The following GNPAT variants were observed in gnomAD, a reference collection of about 807,000 sequenced individuals.
GNPAT encodes the protein dihydroxyacetone phosphate acyltransferase.
A neutral mutation model predicts 78.4 loss-of-function variants in GNPAT; 30 were observed. That is an observed-to-expected ratio of 0.38 (90% CI 0.29 to 0.52). GNPAT has a LOEUF of 0.52. Among genes scored for constraint, GNPAT ranks in the 20% least tolerant of loss-of-function variants. The pLI, the probability that GNPAT is intolerant of heterozygous loss-of-function variation, is 0.84. For missense variants in GNPAT, 714 were observed against 812.2 expected, an observed-to-expected ratio of 0.88 and a Z score of 1.47; for synonymous variants, 271 against 281.1, an observed-to-expected ratio of 0.96 and a Z score of 0.36.
chr1:231,242,632 G>T (rs993563759), intron 1 of GNPAT, among the ~76,000 whole-genome samples: 1 of 152,238 alleles, frequency 6.6e-6, no homozygotes, highest in South Asian at 2.1e-4. Flanking sequence ...GAGCAGGCAC[G>T]AAGGGAAGAG....
intron 1 of GNPAT, among the ~76,000 whole-genome samples, chr1:231,243,290 G>A (rs143859768): frequency 5.4e-4 from 82 of 152,268 alleles, no homozygotes; most frequent in Middle Eastern, 3.4e-3. Context: ...AAGAAAAGGT[G>A]ATATCTAAGC....
chr1:231,272,266 G>A, intron 10 of GNPAT, 46 bp from the exon 11 acceptor site: 1 of 983,694 alleles, frequency 1.0e-6, no homozygotes, highest in Non-Finnish European at 1.6e-6. Context: ...CTCCCTTAAA[G>A]TTTAAAGGGC....
chr1:231,263,779 ATAAT>A (rs1685293959), intron 4 of GNPAT, among the ~76,000 whole-genome samples: 1 of 152,160 alleles, frequency 6.6e-6, no homozygotes, highest in South Asian at 2.1e-4. Context: ...ATGTTTTATA[ATAAT>A]TTTAATGAGT....
In GNPAT at chr1:231,272,314, G is replaced by T. The variant is rs1344564921; in HGVS notation, c.1525G>T (p.Asp509Tyr). ...LQMTPGFRKE[D>Y]VYSCFRFLRD... ...TTACATGATGCATTTATTTCCAGAG[G>T]ATGTCTACAGTTGCTTTCGCTTCCT... The change falls in exon 11 of 16, where the codon GAT becomes TAT. Residue 509 changes from aspartate (D) to tyrosine (Y), a missense_variant and splice_region_variant. Transcript: ENST00000366647. The T allele has an allele frequency of 6.5e-7, 1 of 1,540,766 alleles. No individual in the cohort carries two copies.
chr1:231,274,335 C>T (rs1469709054), intron 12 of GNPAT, among the ~76,000 whole-genome samples: 8 of 152,190 alleles, frequency 5.3e-5, no homozygotes, highest in Non-Finnish European at 8.8e-5. Flanking sequence ...GTTACACCCA[C>T]GCATCATCTG....
chr1:231,246,487 G>A (rs1209942501), intron 1 of GNPAT, among the ~76,000 whole-genome samples: 6 of 152,182 alleles, frequency 3.9e-5, no homozygotes, highest in Admixed American at 2.6e-4. Flanking sequence ...ATCCTCCAGA[G>A]CAGTTAAAAG....
At position 231,270,769 on chromosome 1, in the gene GNPAT, G is replaced by A; in HGVS notation, c.1291G>A (p.Ala431Thr). The change falls in exon 10 of 16, where the codon GCT becomes ACT. Residue 431 changes from alanine to threonine, a missense_variant. By Grantham distance (58) the Ala-to-Thr change is moderately conservative. Transcript: ENST00000366647. ...GTCTTTGTGTGTAGATAATAAACCT[G>A]CTGAAGAAGTTGTCCCGGCCAGCAT... Reference protein sequence around the residue: ...GFLIWPDNKPAEEVVPASILL... With the variant: ...GFLIWPDNKPTEEVVPASILL... 1.2e-6 allele frequency: 2 copies of A among 1,613,962 alleles called. No individual in the cohort carries two copies. The highest frequency in any genetic ancestry group is 2.2e-5 in the East Asian group (1 of 44,882).
Position 231,266,422 on chromosome 1 carries a change from T to A in GNPAT, c.1055+15T>A. The A allele has an allele frequency of 1.2e-6, 2 of 1,609,380 alleles. No homozygotes were observed. Among genetic ancestry groups the A allele is most frequent in the Non-Finnish European group, 1.7e-6 (2 of 1,175,692 alleles). On this transcript the variant is annotated intron_variant, in intron 8 of 15. Coordinates refer to ENST00000366647, the MANE Select transcript of GNPAT (RefSeq NM_014236.4). ...TTGGTTCCAAGGTGTGACCTGTGTT[T>A]TAATAACTGTCTTAGAAATGAGGAT...
intron 2 of GNPAT, among the ~76,000 whole-genome samples, chr1:231,257,640 C>T (rs1302159737): frequency 6.6e-6 from 1 of 152,182 alleles, no homozygotes; most frequent in Non-Finnish European, 1.5e-5. Flanking sequence ...CGCTTCTTAC[C>T]TCCCTGCTGC....
intron 1 of GNPAT, among the ~76,000 whole-genome samples, chr1:231,247,695 C>A (rs1281445480): frequency 6.6e-6 from 1 of 152,174 alleles, no homozygotes; most frequent in African/African-American, 2.4e-5. Context: ...TCAGCACATA[C>A]CACAGTGTCA....
Position 231,265,997 on chromosome 1 carries a change from C to A in GNPAT, c.773-17C>A. Reference sequence around the variant, plus strand: ...TCTTCAATATGTTGATGAAGCATTTCTCCCTGTGTTTTGCAGGTCTTCTGA... The same window carrying A: ...TCTTCAATATGTTGATGAAGCATTTATCCCTGTGTTTTGCAGGTCTTCTGA... On this transcript the variant is annotated splice_polypyrimidine_tract_variant and intron_variant, in intron 6 of 15. Coordinates refer to ENST00000366647, the MANE Select transcript of GNPAT (RefSeq NM_014236.4). 6.2e-7 allele frequency: 1 copy of A among 1,608,176 alleles called. No individual in the cohort carries two copies. The highest frequency in any genetic ancestry group is 1.3e-5 in the African/African-American group (1 of 74,948).
At position 231,244,844 on chromosome 1, in the gene GNPAT, G is replaced by C. The variant is rs1055506766; in HGVS notation, c.78+3388G>C. On this transcript the variant is annotated intron_variant, in intron 1 of 15. Coordinates refer to ENST00000366647, the MANE Select transcript of GNPAT (RefSeq NM_014236.4). The stretch of plus-strand genomic sequence containing the variant: ...GAAGACTGAGGATGGGTAACCACTG[G>C]TGTGCCATAATCCAGATGATGACTT... 3.0e-4 allele frequency among the ~76,000 whole-genome samples: 46 copies of C among 152,176 alleles called. 2 individuals are homozygous for C. The highest frequency in any genetic ancestry group is 2.9e-5 in the Non-Finnish European group (2 of 68,030).
At chr1:231,254,171 CA>C (rs1684978348) in intron 2 of GNPAT, among the ~76,000 whole-genome samples, 1 of 152,112 alleles carries the variant, frequency 6.6e-6, no homozygotes, top group East Asian at 1.9e-4. Flanking sequence ...TAAGTGTTAC[CA>C]ATTTAAAAGA....
intron 1 of GNPAT, among the ~76,000 whole-genome samples, chr1:231,249,705 G>A (rs528870974): frequency 6.6e-6 from 1 of 152,312 alleles, no homozygotes; most frequent in Admixed American, 6.5e-5. Context: ...TAGAGGAGTG[G>A]TGCCTAAGCC....
At chr1:231,261,372 TG>T in intron 3 of GNPAT, among the ~76,000 whole-genome samples, 1 of 152,062 alleles carries the variant, frequency 6.6e-6, no homozygotes, top group East Asian at 1.9e-4. Flanking sequence ...TATTTTGAAG[TG>T]TGAAATGGTT....
At chr1:231,241,606 A>T in intron 1 of GNPAT, 150 bp downstream of exon 1, 2 of 714,170 alleles carry the variant, frequency 2.8e-6, no homozygotes, top group South Asian at 2.9e-5. Flanking sequence ...ATTGGTTTCC[A>T]GGACAACAGT....
intron 12 of GNPAT, among the ~76,000 whole-genome samples, chr1:231,274,570 C>T (rs986721139): frequency 6.6e-6 from 1 of 152,122 alleles, no homozygotes; most frequent in African/African-American, 2.4e-5. Flanking sequence ...GTATGTTGCC[C>T]AGCAGGAATT....
intron 2 of GNPAT, among the ~76,000 whole-genome samples, 199 bp downstream of exon 2, chr1:231,251,342 GTAAGTGAAATATGTCGTCTGGGCA>G (rs1558326173): frequency 6.6e-6 from 1 of 151,974 alleles, no homozygotes; most frequent in Non-Finnish European, 1.5e-5. Flanking sequence ...CGAGTTGAGC[GTAAGTGAAATATGTCGTCTGGGCA>G]TAAGTGAAAT....
Position 231,265,332 on chromosome 1 carries a change from T to A in GNPAT, c.608T>A (p.Met203Lys), listed in dbSNP as rs779199619. The change falls in exon 5 of 16, where the codon ATG (methionine) becomes AAG (lysine). Residue 203 changes from methionine to lysine, a missense_variant. Transcript: ENST00000366647. ...AAAATGGTTGGTGAGCTGCTACGAA[T>A]GTCGGGTGCCTTTTTCATGCGGCGT... ...GMKMVGELLR[M>K]SGAFFMRRTF... is the part of the protein sequence containing the mutation. 43 of 1,611,914 alleles carry A rather than the reference T, an allele frequency of 2.7e-5. No homozygotes were observed. Among genetic ancestry groups the A allele is most frequent in the Non-Finnish European group, 3.6e-5 (42 of 1,178,066 alleles).
Sources: allele counts gnomAD v4.1 joint callset (sites outside exome capture counted in the v4.1 genomes callset), GRCh38; gene constraint gnomAD v4.1.1; transcripts MANE v1.5; gene names NCBI Gene and HGNC (gene_info 2026-07-23, HGNC 2026-07-21).